GALNTL6: variants seen among roughly 807,000 people sequenced by gnomAD.
The protein encoded by GALNTL6 is polypeptide N-acetylgalactosaminyltransferase-like 6.
In GALNTL6, 46 loss-of-function variants were observed where a neutral mutation model predicts 73.7. The ratio of observed to expected loss-of-function variants is 0.62; its 90% CI spans 0.49 to 0.80. The LOEUF (loss-of-function observed/expected upper bound fraction) is 0.80, where lower values mean the gene tolerates loss of function less well. GALNTL6 is among the 30% of genes least tolerant of loss of function. The probability of loss-of-function intolerance (pLI) is 0.00; values close to 1 mark genes in which losing one functional copy is unlikely to be tolerated. For synonymous variants in GALNTL6, 259 were observed against 263.7 expected, an observed-to-expected ratio of 0.98 and a Z score of 0.17; for missense variants, 604 against 755.0, an observed-to-expected ratio of 0.80 and a Z score of 2.34.
chr4:172,431,636 A>G (rs970437455), intron 5 of GALNTL6, among the ~76,000 whole-genome samples: 3 of 152,162 alleles, frequency 2.0e-5, no homozygotes, highest in African/African-American at 7.2e-5. Flanking sequence ...CCATATTTCT[A>G]AAAATGGTCT....
At chr4:171,940,007 G>GT (rs1738478840) in intron 2 of GALNTL6, among the ~76,000 whole-genome samples, 2 of 151,768 alleles carry the variant, frequency 1.3e-5, no homozygotes, top group South Asian at 2.1e-4. Context: ...TCTTGGATTT[G>GT]TTTTTTTTAA....
chr4:172,422,182 A>T (rs1162076682), intron 5 of GALNTL6, among the ~76,000 whole-genome samples: 1 of 152,256 alleles, frequency 6.6e-6, no homozygotes, highest in East Asian at 1.9e-4. Flanking sequence ...TTTTGCAGCA[A>T]AACTTATCAA....
intron 5 of GALNTL6, among the ~76,000 whole-genome samples, chr4:172,441,492 G>A (rs1731836529): frequency 6.6e-6 from 1 of 151,982 alleles, no homozygotes; most frequent in Non-Finnish European, 1.5e-5. Context: ...ATGCTGCTCT[G>A]GTTTTTTCAG....
At chr4:171,908,090 G>C (rs1320502212) in intron 2 of GALNTL6, among the ~76,000 whole-genome samples, 3 of 152,108 alleles carry the variant, frequency 2.0e-5, no homozygotes, top group Non-Finnish European at 4.4e-5. Context: ...CATGGGCAAG[G>C]ACTTCATGTC....
At chr4:172,460,622 A>G (rs986225307) in intron 5 of GALNTL6, among the ~76,000 whole-genome samples, 1 of 152,276 alleles carries the variant, frequency 6.6e-6, no homozygotes, top group Non-Finnish European at 1.5e-5. Context: ...CAAAAAGCTT[A>G]TCATCACTGG....
chr4:172,440,842 T>G (rs1057069762), intron 5 of GALNTL6, among the ~76,000 whole-genome samples: 14 of 152,112 alleles, frequency 9.2e-5, no homozygotes, highest in Admixed American at 3.3e-4. Context: ...ATAAAAGCTT[T>G]TATATAGAAA....
chr4:171,949,944 G>T (rs1157661110), intron 2 of GALNTL6, among the ~76,000 whole-genome samples: 4 of 152,128 alleles, frequency 2.6e-5, no homozygotes, highest in Non-Finnish European at 5.9e-5. Flanking sequence ...AGTGATGAAA[G>T]ATGTAAATTC....
intron 5 of GALNTL6, among the ~76,000 whole-genome samples, chr4:172,549,704 T>G (rs1162028543): frequency 6.6e-6 from 1 of 152,198 alleles, no homozygotes; most frequent in Non-Finnish European, 1.5e-5. Flanking sequence ...GTAATCAATT[T>G]TTTAAACAAT....
chr4:172,515,449 AG>A (rs1418693689), intron 5 of GALNTL6, among the ~76,000 whole-genome samples: 1 of 152,022 alleles, frequency 6.6e-6, no homozygotes, highest in African/African-American at 2.4e-5. Flanking sequence ...AGATTTACAC[AG>A]TCCGGATTCT....
At chr4:172,372,553 G>A (rs972655948) in intron 5 of GALNTL6, among the ~76,000 whole-genome samples, 1 of 152,300 alleles carries the variant, frequency 6.6e-6, no homozygotes, top group South Asian at 2.1e-4. Context: ...CCTTACTTAG[G>A]TATGCCACTG....
chr4:172,755,237 T>TATAGATAGATG (rs1553984925), intron 5 of GALNTL6, among the ~76,000 whole-genome samples: 47 of 145,664 alleles, frequency 3.2e-4, no homozygotes, highest in African/African-American at 1.2e-3. Flanking sequence ...AAATGACAGA[T>TATAGATAGATG]ATAGATAGAT....
At chr4:171,874,211 TTGTC>T (rs1456020542) in intron 2 of GALNTL6, among the ~76,000 whole-genome samples, 4 of 152,290 alleles carry the variant, frequency 2.6e-5, no homozygotes, top group East Asian at 1.9e-4. Context: ...TTTTGTTTGT[TTGTC>T]TGTTTTTGAC....
chr4:172,067,703 A>G lies in GALNTL6; in HGVS notation c.139-161953A>G, dbSNP rs936578504. On this transcript the variant is annotated intron_variant, in intron 2 of 12. Transcript: ENST00000506823. ...GTTACCCACACAATGGGTGGGTTCT[A>G]TCCTTTGGTGAGTGACAGTCCAATG... is the stretch of plus-strand genomic sequence containing the variant. Among the ~76,000 whole-genome samples, 3 of 110,388 alleles carry G rather than the reference A, an allele frequency of 2.7e-5. 1 individual carries two copies. In the East Asian group the frequency reaches 6.3e-4, roughly 23 times the overall value. 72.4% of individuals were successfully genotyped at this position (110,388 alleles called of 152,430 possible).
At chr4:172,660,271 G>A (rs2111176858) in intron 5 of GALNTL6, among the ~76,000 whole-genome samples, 1 of 152,298 alleles carries the variant, frequency 6.6e-6, no homozygotes, top group Admixed American at 6.5e-5. Context: ...ATCATAGGAA[G>A]ACCCACTAGA....
In GALNTL6 at chr4:172,320,331, A is replaced by G. The variant is rs191593609; in HGVS notation, c.386+8579A>G. On this transcript the variant is annotated intron_variant, in intron 4 of 12. Coordinates refer to ENST00000506823, the MANE Select transcript of GALNTL6 (RefSeq NM_001034845.3). ...TCTAGAGCAGGGTGTCTTTCCAGGA[A>G]TGTTGGCCTTGTCCCCACCCTTATC... 5.5e-4 allele frequency among the ~76,000 whole-genome samples: 83 copies of G among 152,258 alleles called. No individual in the cohort carries two copies. The East Asian group carries it at 0.016, about 28-fold the overall frequency.
intron 2 of GALNTL6, among the ~76,000 whole-genome samples, chr4:171,928,147 A>T (rs1345618382): frequency 3.9e-5 from 6 of 152,226 alleles, no homozygotes; most frequent in Non-Finnish European, 8.8e-5. Flanking sequence ...TTATTGGAGA[A>T]TAAAACCATG....
chr4:172,258,041 A>G (rs1738142230), intron 3 of GALNTL6, among the ~76,000 whole-genome samples: 1 of 151,244 alleles, frequency 6.6e-6, no homozygotes, highest in African/African-American at 2.4e-5. Flanking sequence ...GAGAGTTTCT[A>G]CCTTTAAGGA....
intron 5 of GALNTL6, among the ~76,000 whole-genome samples, chr4:172,525,643 G>A (rs1030789227): frequency 3.9e-5 from 6 of 152,070 alleles, no homozygotes; most frequent in East Asian, 1.9e-4. Context: ...CAGGAGGACC[G>A]TTTGAGCCCA....
rs1021679602 is a variant in GALNTL6 at position 172,794,685 on chromosome 4, G to A, written c.554-14676G>A. 8.5e-5 allele frequency among the ~76,000 whole-genome samples: 13 copies of A among 152,084 alleles called. No individual in the cohort carries two copies. In the East Asian group the frequency reaches 2.3e-3, roughly 27 times the overall value. Reference sequence around the variant, plus strand: ...CTTCCTAGATACATTGACAAAGTACGAATCTTCGTCAGAATCAACCCTGCA... The same window carrying A: ...CTTCCTAGATACATTGACAAAGTACAAATCTTCGTCAGAATCAACCCTGCA... On this transcript the variant is annotated intron_variant, in intron 5 of 12. Coordinates refer to ENST00000506823, the MANE Select transcript of GALNTL6 (RefSeq NM_001034845.3).
Sources: gnomAD v4.1 joint callset for allele counts (sites outside exome capture counted in the v4.1 genomes callset) on GRCh38, gnomAD v4.1.1 for gene constraint, MANE v1.5 for transcripts, NCBI Gene and HGNC (gene_info 2026-07-23, HGNC 2026-07-21) for gene names.